PTCD1: variants seen among roughly 807,000 people sequenced by gnomAD.
The protein encoded by PTCD1 is pentatricopeptide repeat domain 1.
A neutral mutation model predicts 53.4 loss-of-function variants in PTCD1; 50 were observed. The ratio of observed to expected loss-of-function variants is 0.94; its 90% CI spans 0.75 to 1.19. The LOEUF is 1.19. Among genes scored for constraint, PTCD1 ranks in the 50% most tolerant of loss-of-function variants. The pLI is 0.00. For synonymous variants in PTCD1, 413 were observed against 394.8 expected, an observed-to-expected ratio of 1.05 and a Z score of -0.55; for missense variants, 918 against 904.8, an observed-to-expected ratio of 1.01 and a Z score of -0.19.
At chr7:99,429,880 G>C (rs1796195154) in intron 3 of PTCD1, 74 bp from the exon 4 acceptor site, 3 of 1,577,300 alleles carry the variant, frequency 1.9e-6, no homozygotes, top group Non-Finnish European at 1.7e-6. Flanking sequence ...CCCCAGAGGA[G>C]GCTGAGGCTG....
chr7:99,428,514 G>C (rs1231855890), intron 5 of PTCD1, among the ~76,000 whole-genome samples: 1 of 151,980 alleles, frequency 6.6e-6, no homozygotes, highest in Non-Finnish European at 1.5e-5. Flanking sequence ...GGCCCAGGCG[G>C]GCAGATCACA....
rs56145748 is a variant in PTCD1, at chr7:99,419,292, C to G, written c.*675G>C. On this transcript the variant is annotated 3_prime_UTR_variant, in exon 8 of 8. Coordinates refer to ENST00000292478, the MANE Select transcript of PTCD1 (RefSeq NM_015545.4). Reference sequence around the variant, plus strand: ...GTTTCTGAGGTGTGTCCCTATATGGCATGGTGGCAGGTCCTTCGTGGGAGG... The same window carrying G: ...GTTTCTGAGGTGTGTCCCTATATGGGATGGTGGCAGGTCCTTCGTGGGAGG... The G allele has an allele frequency of 2.8e-6, 4 of 1,423,678 alleles. No homozygotes were observed. The Admixed American group carries it at 6.7e-5, about 24-fold the overall frequency. The allele number at this position is 1,423,678 out of a possible 1,614,324, so 88.2% of individuals were successfully genotyped here. A position where few individuals can be genotyped will look rare whatever the true frequency, so the allele number is the denominator to read the frequency against.
At position 99,425,406 on chromosome 7, in the gene PTCD1, A is replaced by T. The variant is rs745763745; in HGVS notation, c.1126T>A (p.Ser376Thr). Residue 376 changes from serine to threonine, a missense_variant, in exon 6 of 8, where the codon TCA becomes ACA. By Grantham distance (58) the Ser-to-Thr change is moderately conservative (BLOSUM62 1). Transcript: ENST00000292478. Reference sequence around the variant, plus strand: ...AGGGCCTCCACATGCAGCATGGCTGACATGAGGTTGCCTGCCTTGGCCTGG... The same window carrying T: ...AGGGCCTCCACATGCAGCATGGCTGTCATGAGGTTGCCTGCCTTGGCCTGG... Reference protein sequence around the residue: ...TAQAKAGNLMSAMLHVEALER... With the variant: ...TAQAKAGNLMTAMLHVEALER... 79 of 1,614,048 alleles carry T rather than the reference A, an allele frequency of 4.9e-5. No homozygotes were observed. The highest frequency in any genetic ancestry group is 5.9e-5 in the Non-Finnish European group (70 of 1,180,040).
At chr7:99,422,886 G>A (rs182410630) in intron 7 of PTCD1, among the ~76,000 whole-genome samples, 40 of 152,128 alleles carry the variant, frequency 2.6e-4, no homozygotes, top group Admixed American at 9.8e-4. Flanking sequence ...AATCTTTTGC[G>A]TCCTCTGTAA....
chr7:99,423,665 G>T, intron 7 of PTCD1, 110 bp downstream of exon 7: 1 of 1,569,686 alleles, frequency 6.4e-7, no homozygotes, highest in Non-Finnish European at 8.7e-7. Context: ...CTGCTGGACA[G>T]TTTCAAGCAT....
chr7:99,436,684 G>A lies in PTCD1; in HGVS notation c.-26-1416C>T, dbSNP rs1796478409. Among the ~76,000 whole-genome samples, 3 of 152,192 alleles carry A rather than the reference G, an allele frequency of 2.0e-5. No individual in the cohort carries two copies. The South Asian group carries it at 6.2e-4, about 31-fold the overall frequency. On this transcript the variant is annotated intron_variant, in intron 1 of 7. Transcript: ENST00000292478. ...GGGAGAGACTTGCTGGGGTCCTGCA[G>A]CAGTGCAGTGGGTGAGACTGGCCAG...
chr7:99,427,783 T>C (rs2150953801), intron 5 of PTCD1, among the ~76,000 whole-genome samples: 1 of 151,852 alleles, frequency 6.6e-6, no homozygotes, highest in East Asian at 1.9e-4. Flanking sequence ...TGCCTTGGGA[T>C]CCTGTTGATC....
chr7:99,426,750 C>A (rs547316901), intron 5 of PTCD1, among the ~76,000 whole-genome samples: 2,044 of 151,940 alleles, frequency 0.013, 20 homozygotes, highest in South Asian at 0.021. Context: ...TTCCCGGCCG[C>A]CATCCCATCT....
intron 7 of PTCD1, among the ~76,000 whole-genome samples, chr7:99,423,486 G>A (rs1027855399): frequency 1.2e-4 from 19 of 152,162 alleles, no homozygotes; most frequent in African/African-American, 4.1e-4. Flanking sequence ...CTGAGGCAGC[G>A]GGAACACCAA....
At position 99,435,286 on chromosome 7, in the gene PTCD1, A is replaced by T; in HGVS notation, c.-26-18T>A. 6.3e-7 allele frequency: 1 copy of T among 1,599,670 alleles called. No homozygotes were observed. Among genetic ancestry groups the T allele is most frequent in the South Asian group, 1.1e-5 (1 of 91,056 alleles). ...TCCAGGGCCTGGAATATATCAGGAA[A>T]AATAAGAGAGTCAACTCAGTTCCTA... On this transcript the variant is annotated intron_variant, in intron 1 of 7. Transcript: ENST00000292478.
At position 99,429,135 on chromosome 7, in the gene PTCD1, C is replaced by A; in HGVS notation, c.883G>T (p.Asp295Tyr). 1.2e-6 allele frequency: 2 copies of A among 1,614,170 alleles called. No individual in the cohort carries two copies. Among genetic ancestry groups the A allele is most frequent in the Non-Finnish European group, 1.7e-6 (2 of 1,180,032 alleles). Residue 295 changes from aspartate to tyrosine, a missense_variant, in exon 5 of 8, where the codon GAC (aspartate) becomes TAC (tyrosine). Transcript: ENST00000292478. Reference protein sequence around the residue: ...FSFLLMGCIQDKKTGFRYALQ... With the variant: ...FSFLLMGCIQYKKTGFRYALQ... ...GCGTACCGGAAGCCTGTCTTCTTGTCTTGGATGCAGCCCATGAGCAGGAAA... is the reference window on the plus strand; with the variant it reads ...GCGTACCGGAAGCCTGTCTTCTTGTATTGGATGCAGCCCATGAGCAGGAAA...
intron 5 of PTCD1, among the ~76,000 whole-genome samples, chr7:99,427,015 C>G (rs527479304): frequency 3.4e-4 from 51 of 152,074 alleles, no homozygotes; most frequent in African/African-American, 1.2e-3. Context: ...AGCCCCTCCG[C>G]CCGGGAGTCA....
chr7:99,424,953 C>T lies in PTCD1; in HGVS notation c.1579G>A (p.Val527Met), dbSNP rs747075732. 1.9e-6 allele frequency: 3 copies of T among 1,614,248 alleles called. No homozygotes were observed. The highest frequency in any genetic ancestry group is 1.7e-5 in the Admixed American group (1 of 60,032). ...EADLTFFNTL[V>M]RKKSKLGDLE... The stretch of plus-strand genomic sequence containing the variant: ...TCTCCCAGCTTGCTCTTCTTTCTCA[C>T]CAGCGTGTTAAAGAATGTCAGGTCG... The change falls in exon 6 of 8, where the codon GTG (valine) becomes ATG (methionine). Residue 527 changes from valine (V) to methionine (M), a missense_variant. By Grantham distance (21) the Val-to-Met change is conservative. Coordinates refer to ENST00000292478, the MANE Select transcript of PTCD1 (RefSeq NM_015545.4).
intron 5 of PTCD1, among the ~76,000 whole-genome samples, chr7:99,428,657 C>T (rs1584461006): frequency 6.6e-6 from 1 of 151,888 alleles, no homozygotes; most frequent in South Asian, 2.1e-4. Flanking sequence ...AGGAGTATCG[C>T]GTGAACCTGG....
Position 99,433,421 on chromosome 7 carries a change from G to T in PTCD1, c.454-3C>A, listed in dbSNP as rs767974295. 6.2e-7 allele frequency: 1 copy of T among 1,614,160 alleles called. No individual in the cohort carries two copies. The highest frequency in any genetic ancestry group is 1.7e-5 in the Admixed American group (1 of 60,022). On this transcript the variant is annotated splice_polypyrimidine_tract_variant and splice_region_variant and intron_variant, in intron 2 of 7. Coordinates refer to ENST00000292478, the MANE Select transcript of PTCD1 (RefSeq NM_015545.4). ...AACAGGTCCAGGGCTTCAACCAGCT[G>T]CAGGGAAGAGGCAACAGGGCAGGGG... is the stretch of plus-strand genomic sequence containing the variant.
chr7:99,420,083 T>G lies in PTCD1; in HGVS notation c.1987A>C (p.Thr663Pro). Residue 663 changes from threonine to proline, a missense_variant, in exon 8 of 8, where the codon ACA becomes CCA. Coordinates refer to ENST00000292478, the MANE Select transcript of PTCD1 (RefSeq NM_015545.4). ...GGGGTTTCCTCTGCGGGCATCACTG[T>G]CAGCCACTGCTTGTAATAGGCTCGG... ...GFRAYYKQWL[T>P]VMPAEETPHP... 1 of 1,614,232 alleles carries G rather than the reference T, an allele frequency of 6.2e-7. No individual in the cohort carries two copies. The highest frequency in any genetic ancestry group is 8.5e-7 in the Non-Finnish European group (1 of 1,180,034).
In PTCD1 at chr7:99,429,715, T is replaced by C; in HGVS notation, c.686A>G (p.Gln229Arg). The part of the protein sequence containing the change: ...AESPWKDSAL[Q>R]SALKLRQQLQ... ...CTGCTGCCGGAGCTTCAGGGCGCTC[T>C]GTAGAGCTGAGTCCTTCCAGGGGGA... The change falls in exon 4 of 8, where the codon CAG becomes CGG. Residue 229 changes from glutamine (Q) to arginine (R), a missense_variant. By Grantham distance (43) the Gln-to-Arg change is conservative (BLOSUM62 1). Transcript: ENST00000292478. The C allele has an allele frequency of 1.2e-6, 2 of 1,614,224 alleles. No individual in the cohort carries two copies. The highest frequency in any genetic ancestry group is 1.7e-6 in the Non-Finnish European group (2 of 1,180,038).
In PTCD1 at chr7:99,425,188, A is replaced by G; in HGVS notation, c.1344T>C (p.Val448=). The change falls in exon 6 of 8, where the codon GTT becomes GTC. Residue 448 remains valine, a synonymous_variant. Transcript: ENST00000292478. ...LEVNLLTPGA[V]PPTVVSFGTV... The stretch of plus-strand genomic sequence containing the variant: ...TTCCAAAGGAGACCACTGTAGGGGG[A>G]ACGGCCCCGGGGGTCAGGAGGTTGA... The G allele has an allele frequency of 1.2e-6, 2 of 1,613,054 alleles. No individual in the cohort carries two copies. The highest frequency in any genetic ancestry group is 1.7e-6 in the Non-Finnish European group (2 of 1,179,234).
At chr7:99,437,238 T>C (rs562994295) in intron 1 of PTCD1, among the ~76,000 whole-genome samples, 26 of 152,228 alleles carry the variant, frequency 1.7e-4, no homozygotes, top group African/African-American at 5.8e-4. Flanking sequence ...TCAAAATGCT[T>C]TAAAAACAAA....
Sources: gnomAD v4.1 joint callset for allele counts (sites outside exome capture counted in the v4.1 genomes callset) on GRCh38, gnomAD v4.1.1 for gene constraint, MANE v1.5 for transcripts, NCBI Gene and HGNC (gene_info 2026-07-23, HGNC 2026-07-21) for gene names.